Variants in TBX5 observed in about 807,000 individuals in gnomAD.
TBX5 encodes T-box transcription factor 5.
A neutral mutation model predicts 51.1 loss-of-function variants in TBX5; 8 were observed. The observed-to-expected ratio is 0.16, with a 90% CI of 0.09 to 0.28. The LOEUF (loss-of-function observed/expected upper bound fraction) is 0.28. Among genes scored for constraint, TBX5 ranks in the 10% least tolerant of loss-of-function variants. The pLI, the probability that TBX5 is intolerant of heterozygous loss-of-function variation, is 1.00. For synonymous variants in TBX5, 302 were observed against 266.4 expected (o/e 1.13, Z -1.30); for missense variants, 589 against 671.7 (o/e 0.88, Z 1.36).
intron 2 of TBX5, among the ~76,000 whole-genome samples, chr12:114,403,338 C>T (rs1871958728): frequency 6.6e-6 from 1 of 152,228 alleles, no homozygotes; most frequent in Non-Finnish European, 1.5e-5. Context: ...GGGGTCAAGC[C>T]ATCGCTCATG....
chr12:114,360,765 GGTGGGTGGATGA>G (rs1018723613), intron 8 of TBX5, among the ~76,000 whole-genome samples: 4 of 151,606 alleles, frequency 2.6e-5, no homozygotes, highest in South Asian at 2.1e-4. Flanking sequence ...TGGATTGGTG[GGTGGGTGGATGA>G]GTGGGTGGAT....
intron 6 of TBX5, among the ~76,000 whole-genome samples, chr12:114,388,422 G>T (rs1870943257): frequency 6.6e-6 from 1 of 152,012 alleles, no homozygotes; most frequent in African/African-American, 2.4e-5. Flanking sequence ...CTCCCAAACT[G>T]CTGGGATTAC....
At chr12:114,398,462 G>C in intron 5 of TBX5, 111 bp downstream of exon 5, 1 of 1,466,198 alleles carries the variant, frequency 6.8e-7, no homozygotes, top group South Asian at 1.2e-5. Flanking sequence ...ATGGAGGAAA[G>C]AAAAGGAGAA....
chr12:114,386,434 A>G (rs1205459618), intron 6 of TBX5, among the ~76,000 whole-genome samples: 1 of 152,234 alleles, frequency 6.6e-6, no homozygotes, highest in East Asian at 1.9e-4. Context: ...GAGAACATAG[A>G]GAATCATGTT....
chr12:114,355,387 C>T lies in TBX5; in HGVS notation c.*145G>A, dbSNP rs1435305997. On this transcript the variant is annotated 3_prime_UTR_variant, in exon 9 of 9. Coordinates refer to ENST00000405440, the MANE Select transcript of TBX5 (RefSeq NM_181486.4). Reference sequence around the variant, plus strand: ...AGCTACTGATTAGATCAGCATCCAGCGACCTTGAGTGCAGATGTGAACATT... The same window carrying T: ...AGCTACTGATTAGATCAGCATCCAGTGACCTTGAGTGCAGATGTGAACATT... 3.0e-6 allele frequency: 3 copies of T among 1,004,008 alleles called. No individual in the cohort carries two copies. The highest frequency in any genetic ancestry group is 4.5e-6 in the Non-Finnish European group (3 of 659,480). The allele number at this position is 1,004,008 out of a possible 1,614,324, so 62.2% of individuals were successfully genotyped here.
upstream of TBX5, among the ~76,000 whole-genome samples, chr12:114,407,376 G>C (rs936846054): frequency 1.3e-5 from 2 of 152,292 alleles, no homozygotes; most frequent in South Asian, 2.1e-4. Flanking sequence ...ACCCTAGGCC[G>C]AAGACACGAA....
chr12:114,385,404 G>T, intron 7 of TBX5, 72 bp downstream of exon 7: 1 of 1,353,650 alleles, frequency 7.4e-7, no homozygotes, highest in Non-Finnish European at 1.1e-6. Context: ...GAGGTGCTGG[G>T]TTGCTGCTGG....
chr12:114,369,421 C>T (rs75433372), intron 7 of TBX5, among the ~76,000 whole-genome samples: 1,979 of 152,300 alleles, frequency 0.013, 40 homozygotes, highest in African/African-American at 0.044. Flanking sequence ...AACATCATCC[C>T]CAACACCGAT....
At chr12:114,400,384 G>A (rs184741915) in intron 3 of TBX5, among the ~76,000 whole-genome samples, 2 of 152,380 alleles carry the variant, frequency 1.3e-5, no homozygotes, top group Non-Finnish European at 2.9e-5. Flanking sequence ...AGATTCAGTC[G>A]TTATCAAGCC....
chr12:114,385,849 T>TG (rs1870785267), intron 6 of TBX5, among the ~76,000 whole-genome samples: 1 of 151,632 alleles, frequency 6.6e-6, no homozygotes, highest in Non-Finnish European at 1.5e-5. Context: ...TCTTTTTTTT[T>TG]TTTTTCCAAT....
chr12:114,359,505 G>A lies in TBX5; in HGVS notation c.983-3399C>T, dbSNP rs1177054688. On this transcript the variant is annotated intron_variant, in intron 8 of 8. Transcript: ENST00000405440. ...TTCTGATGAGATGAGTCCACAACTC[G>A]GCTTCAGAAAGTTGCATATTAAGAG... Among the ~76,000 whole-genome samples the A allele has an allele frequency of 7.9e-5, 12 of 152,224 alleles. No homozygotes were observed. The East Asian group carries it at 9.6e-4, about 12-fold the overall frequency.
At chr12:114,401,688 C>G in intron 3 of TBX5, 138 bp downstream of exon 3, 1 of 770,532 alleles carries the variant, frequency 1.3e-6, no homozygotes, top group Non-Finnish European at 2.2e-6. Context: ...TCTCTCCTCT[C>G]CTCTCCTTTC....
chr12:114,385,208 C>T (rs142030572), intron 7 of TBX5, among the ~76,000 whole-genome samples: 1 of 152,260 alleles, frequency 6.6e-6, no homozygotes, highest in African/African-American at 2.4e-5. Flanking sequence ...AAAGCTGTGC[C>T]TTTTGTTCCC....
intron 6 of TBX5, 96 bp from the exon 7 acceptor site, chr12:114,385,663 A>G: frequency 9.5e-7 from 1 of 1,047,164 alleles, no homozygotes; most frequent in Non-Finnish European, 1.5e-6. Flanking sequence ...ATGGAAATGC[A>G]GCCTCTGGCA....
At chr12:114,383,180 T>A (rs140887194) in intron 7 of TBX5, among the ~76,000 whole-genome samples, 2 of 151,962 alleles carry the variant, frequency 1.3e-5, no homozygotes, top group African/African-American at 4.8e-5. Context: ...GAGGGGCTGA[T>A]TCCCAGGAGG....
At chr12:114,366,108 C>T in intron 8 of TBX5, 57 bp downstream of exon 8, 1 of 1,578,300 alleles carries the variant, frequency 6.3e-7, no homozygotes, top group Non-Finnish European at 8.7e-7. Flanking sequence ...CACCCCCAAC[C>T]CAAGGAAAGG....
At position 114,394,819 on chromosome 12, in the gene TBX5, G is replaced by A. The variant is rs753457483; in HGVS notation, c.585C>T (p.Gly195=). ...IVKADENNGF[G]SKNTAFCTHV... is the part of the protein sequence containing the mutation. ...GAGTGCAGAACGCTGTATTTTTTGA[G>A]CCAAATCCATTATTTTCATCCGCTT... The change falls in exon 6 of 9, where the codon GGC becomes GGT. Residue 195 remains glycine, a synonymous_variant. Coordinates refer to ENST00000405440, the MANE Select transcript of TBX5 (RefSeq NM_181486.4). 1.3e-5 allele frequency: 21 copies of A among 1,614,040 alleles called. 1 individual carries two copies. Among genetic ancestry groups the A allele is most frequent in the Middle Eastern group, 3.3e-4 (2 of 6,084 alleles).
chr12:114,364,858 G>A (rs1869426129), intron 8 of TBX5, among the ~76,000 whole-genome samples: 1 of 152,104 alleles, frequency 6.6e-6, no homozygotes, highest in Non-Finnish European at 1.5e-5. Context: ...AAGAAGCAGG[G>A]AGCAGAGATG....
At chr12:114,358,765 G>C (rs1302810988) in intron 8 of TBX5, among the ~76,000 whole-genome samples, 2 of 147,656 alleles carry the variant, frequency 1.4e-5, no homozygotes, top group Non-Finnish European at 3.0e-5. Flanking sequence ...CCTTTTAACT[G>C]TGCGGGGTTT....
Sources: gnomAD v4.1 joint callset for allele counts (sites outside exome capture counted in the v4.1 genomes callset) on GRCh38, gnomAD v4.1.1 for gene constraint, MANE v1.5 for transcripts, NCBI Gene and HGNC (gene_info 2026-07-23, HGNC 2026-07-21) for gene names.